ENTREP2: variants seen among roughly 807,000 people sequenced by gnomAD.
ENTREP2 encodes protein ENTREP2.
the ENTREP2 span, chr15:29,269,479 G>C: frequency 6.2e-7 from 1 of 1,611,540 alleles, no homozygotes; most frequent in African/African-American, 1.3e-5. Flanking sequence ...GGGCCCCACG[G>C]CGGGGGCGGC....
the ENTREP2 span, among the ~76,000 whole-genome samples, chr15:29,151,568 G>A: frequency 2.0e-5 from 3 of 152,168 alleles, no homozygotes; most frequent in Non-Finnish European, 4.4e-5. Context: ...CATCAGCGGC[G>A]CCACGTGTGC....
the ENTREP2 span, among the ~76,000 whole-genome samples, chr15:29,533,142 C>A: frequency 6.6e-6 from 1 of 152,122 alleles, no homozygotes; most frequent in African/African-American, 2.4e-5. Flanking sequence ...GAAACTGAGG[C>A]CTGGCAACTC....
chr15:29,502,885 T>C, the ENTREP2 span, among the ~76,000 whole-genome samples: 2 of 150,872 alleles, frequency 1.3e-5, no homozygotes, highest in African/African-American at 4.9e-5. Context: ...AAAATACAGA[T>C]CAAAACCACA....
the ENTREP2 span, among the ~76,000 whole-genome samples, chr15:29,222,566 C>G: frequency 6.6e-6 from 1 of 152,182 alleles, no homozygotes; most frequent in Non-Finnish European, 1.5e-5. Context: ...GCTGAGCATG[C>G]TGAGTGGACC....
chr15:29,143,861 G>A, the ENTREP2 span, among the ~76,000 whole-genome samples: 3 of 152,290 alleles, frequency 2.0e-5, no homozygotes, highest in South Asian at 4.1e-4. Context: ...AAACAGCAGT[G>A]AGCAGTAAAG....
At chr15:29,302,552 G>C in the ENTREP2 span, among the ~76,000 whole-genome samples, 1 of 152,124 alleles carries the variant, frequency 6.6e-6, no homozygotes, top group African/African-American at 2.4e-5. Context: ...GCAAATGAAT[G>C]AGAAATTAAT....
the ENTREP2 span, among the ~76,000 whole-genome samples, chr15:29,394,661 C>T: frequency 1.3e-5 from 2 of 152,168 alleles, no homozygotes; most frequent in African/African-American, 2.4e-5. Flanking sequence ...ACATTCCCCT[C>T]ATCCATCTCC....
At chr15:29,117,809 G>A in the ENTREP2 span, 2 of 151,770 alleles carry the variant, frequency 1.3e-5, no homozygotes, top group Admixed American at 6.5e-5. Context: ...TGTGACTAAT[G>A]ACCACACCTG....
At chr15:29,187,103 A>G in the ENTREP2 span, among the ~76,000 whole-genome samples, 1 of 152,138 alleles carries the variant, frequency 6.6e-6, no homozygotes, top group Admixed American at 6.5e-5. Context: ...CTACCCGTAT[A>G]TCACCCATAC....
chr15:29,123,509 TGCTGTCCACTAAAGA>T, the ENTREP2 span: 1 of 1,551,722 alleles, frequency 6.4e-7, no homozygotes, highest in East Asian at 2.4e-5. Flanking sequence ...GCATAGGCCT[TGCTGTCCACTAAAGA>T]GCGTGGCCGC....
the ENTREP2 span, among the ~76,000 whole-genome samples, chr15:29,594,333 C>A: frequency 6.6e-6 from 1 of 152,142 alleles, no homozygotes; most frequent in South Asian, 2.1e-4. Context: ...TCTTCAGTAA[C>A]CACCTTGGCT....
chr15:29,503,888 T>C, the ENTREP2 span, among the ~76,000 whole-genome samples: 1 of 152,218 alleles, frequency 6.6e-6, no homozygotes, highest in Non-Finnish European at 1.5e-5. Flanking sequence ...CAAATAAATA[T>C]CCACTGTCAT....
At chr15:29,332,831 C>T in the ENTREP2 span, among the ~76,000 whole-genome samples, 747 of 151,618 alleles carry the variant, frequency 4.9e-3, 4 homozygotes, top group African/African-American at 0.017. Context: ...TGGTGGTGGG[C>T]GCCTGTAATC....
chr15:29,207,354 T>C, the ENTREP2 span, among the ~76,000 whole-genome samples: 1 of 150,502 alleles, frequency 6.6e-6, no homozygotes, highest in Non-Finnish European at 1.5e-5. Context: ...TCTTAAAGAT[T>C]GCACGAACCC....
the ENTREP2 span, chr15:29,267,840 A>C: frequency 6.6e-6 from 1 of 152,262 alleles, no homozygotes; most frequent in Admixed American, 6.5e-5. Context: ...TTACAGGTCA[A>C]GAAACATCTG....
At chr15:29,311,498 T>C in the ENTREP2 span, among the ~76,000 whole-genome samples, 9 of 152,216 alleles carry the variant, frequency 5.9e-5, no homozygotes, top group African/African-American at 2.2e-4. Flanking sequence ...CAGCCCAGCC[T>C]GGCCAACATG....
chr15:29,211,589 A>G, the ENTREP2 span, among the ~76,000 whole-genome samples: 1 of 152,130 alleles, frequency 6.6e-6, no homozygotes, highest in African/African-American at 2.4e-5. Flanking sequence ...ACTTTTCCCC[A>G]TTCGGTATTA....
chr15:29,124,161 G>T, the ENTREP2 span, among the ~76,000 whole-genome samples: 1 of 152,204 alleles, frequency 6.6e-6, no homozygotes, highest in African/African-American at 2.4e-5. Flanking sequence ...CAGAGGCTGG[G>T]GACCTGGCTC....
chr15:29,286,974 T>C, the ENTREP2 span, among the ~76,000 whole-genome samples: 270 of 152,266 alleles, frequency 1.8e-3, no homozygotes, highest in Middle Eastern at 3.4e-3. Flanking sequence ...CACTATGGGA[T>C]TCTCCCTGAC....
Sources: allele counts gnomAD v4.1 joint callset (sites outside exome capture counted in the v4.1 genomes callset), GRCh38; gene constraint gnomAD v4.1.1; transcripts MANE v1.5; gene names NCBI Gene and HGNC (gene_info 2026-07-23, HGNC 2026-07-21).